The following MRPS27 variants were observed in gnomAD, a reference collection of about 807,000 sequenced individuals.
The protein encoded by MRPS27 is mitochondrial ribosomal protein S27.
A neutral mutation model predicts 48.9 loss-of-function variants in MRPS27; 43 were observed. The ratio of observed to expected loss-of-function variants is 0.88; its 90% confidence interval spans 0.69 to 1.13. MRPS27 has a LOEUF of 1.13. Ranked by LOEUF, MRPS27 falls within the 50% of genes most tolerant of loss-of-function variation. MRPS27 has a pLI of 0.00. For missense variants in MRPS27, 467 were observed against 476.3 expected, an observed-to-expected ratio of 0.98 and a Z score of 0.18; for synonymous variants, 188 against 171.9, an observed-to-expected ratio of 1.09 and a Z score of -0.73.
At chr5:72,278,970 C>T (rs979810818) in intron 4 of MRPS27, among the ~76,000 whole-genome samples, 11 of 152,034 alleles carry the variant, frequency 7.2e-5, no homozygotes, top group African/African-American at 2.7e-4. Flanking sequence ...TAACTTAATC[C>T]TTATACAAGC....
chr5:72,307,000 T>C (rs1750287022), intron 2 of MRPS27, among the ~76,000 whole-genome samples: 1 of 152,132 alleles, frequency 6.6e-6, no homozygotes, highest in African/African-American at 2.4e-5. Context: ...AATTGTATTA[T>C]ACGAGGCTTT....
In MRPS27 at chr5:72,232,483, T is replaced by C. The variant is rs1207429374; in HGVS notation, c.551A>G (p.Tyr184Cys). 6 of 1,612,390 alleles carry C rather than the reference T, an allele frequency of 3.7e-6. No individual in the cohort carries two copies. The highest frequency in any genetic ancestry group is 2.2e-5 in the East Asian group (1 of 44,788). ...EVPSTQLLSL[Y>C]VLFHCLAKKT... The stretch of plus-strand genomic sequence containing the variant: ...CTTTGCCAGGCAATGAAATAAAACA[T>C]AGAGGGAGAGAAGTTGGGTGGAAGG... The change falls in exon 7 of 11, where the codon TAT (tyrosine) becomes TGT (cysteine). Residue 184 changes from tyrosine to cysteine, a missense_variant. By Grantham distance (194) the Tyr-to-Cys change is radical (BLOSUM62 -2). Transcript: ENST00000261413.
intron 4 of MRPS27, among the ~76,000 whole-genome samples, chr5:72,278,135 C>T (rs114619048): frequency 3.3e-5 from 5 of 152,156 alleles, no homozygotes; most frequent in Non-Finnish European, 7.4e-5. Context: ...TACTCAACCA[C>T]CTATCTTCAT....
At chr5:72,246,362 C>T (rs993927918) in intron 4 of MRPS27, among the ~76,000 whole-genome samples, 2 of 152,172 alleles carry the variant, frequency 1.3e-5, no homozygotes, top group Admixed American at 1.3e-4. Flanking sequence ...GGAAAGCCAC[C>T]TAGTCCTCAC....
chr5:72,246,798 T>C (rs1411276299), intron 4 of MRPS27, among the ~76,000 whole-genome samples: 1 of 152,208 alleles, frequency 6.6e-6, no homozygotes, highest in Non-Finnish European at 1.5e-5. Flanking sequence ...GATAAAATGA[T>C]TTCCCCAAGA....
chr5:72,248,316 A>G (rs890526809), intron 4 of MRPS27, among the ~76,000 whole-genome samples: 2 of 152,228 alleles, frequency 1.3e-5, no homozygotes, highest in Non-Finnish European at 2.9e-5. Flanking sequence ...CATAAGAAGG[A>G]ACAGTTACAA....
intron 4 of MRPS27, among the ~76,000 whole-genome samples, chr5:72,281,980 T>A (rs1414324415): frequency 6.6e-6 from 1 of 152,174 alleles, no homozygotes; most frequent in Non-Finnish European, 1.5e-5. Flanking sequence ...TAGTTTTAAG[T>A]CCCAGCTTTG....
chr5:72,317,024 C>T (rs1202153537), intron 1 of MRPS27, among the ~76,000 whole-genome samples: 3 of 146,676 alleles, frequency 2.0e-5, no homozygotes, highest in Non-Finnish European at 3.0e-5. Flanking sequence ...AGCGAAACTC[C>T]GTCTCAAAAA....
At chr5:72,308,999 T>A (rs1052184487) in intron 2 of MRPS27, among the ~76,000 whole-genome samples, 5 of 152,162 alleles carry the variant, frequency 3.3e-5, no homozygotes, top group African/African-American at 1.2e-4. Context: ...GCCGCAGAAC[T>A]GGGACTGACA....
At chr5:72,309,390 A>G (rs1182320875) in intron 2 of MRPS27, among the ~76,000 whole-genome samples, 2 of 151,340 alleles carry the variant, frequency 1.3e-5, no homozygotes, top group Admixed American at 6.6e-5. Flanking sequence ...TTCAGCCTCC[A>G]TTGTAGCTGG....
At chr5:72,315,021 C>A (rs768868600) in intron 1 of MRPS27, among the ~76,000 whole-genome samples, 10 of 152,188 alleles carry the variant, frequency 6.6e-5, no homozygotes, top group Non-Finnish European at 1.2e-4. Context: ...ATTCCTAGCT[C>A]CTGGCACAAT....
intron 4 of MRPS27, among the ~76,000 whole-genome samples, chr5:72,249,854 G>A (rs1185902618): frequency 6.7e-6 from 1 of 149,478 alleles, no homozygotes; most frequent in African/African-American, 2.5e-5. Flanking sequence ...TGTGGTGGCA[G>A]CTGCCTGTAG....
Position 72,230,769 on chromosome 5 carries a change from C to G in MRPS27, c.591+1674G>C, listed in dbSNP as rs1476074822. ...CATTAATGATTTTTCTCATAACATC[C>G]AGTCTTTTCCCAAAGTTCCCTTTTG... is the stretch of plus-strand genomic sequence containing the variant. On this transcript the variant is annotated intron_variant, in intron 7 of 10. Coordinates refer to ENST00000261413, the MANE Select transcript of MRPS27 (RefSeq NM_015084.3). Among the ~76,000 whole-genome samples, 3 of 152,164 alleles carry G rather than the reference C, an allele frequency of 2.0e-5. No individual in the cohort carries two copies. The East Asian group carries it at 5.8e-4, about 29-fold the overall frequency.
intron 4 of MRPS27, among the ~76,000 whole-genome samples, chr5:72,260,280 T>C (rs1259502725): frequency 1.3e-5 from 2 of 152,360 alleles, no homozygotes; most frequent in African/African-American, 2.4e-5. Context: ...AATTTTCACA[T>C]AGATGACTTC....
At chr5:72,228,207 G>T in intron 8 of MRPS27, 59 bp downstream of exon 8, 1 of 1,343,396 alleles carries the variant, frequency 7.4e-7, no homozygotes, top group Non-Finnish European at 1.1e-6. Flanking sequence ...ATTATGAACT[G>T]GAAGAATGCA....
At chr5:72,261,213 T>C (rs1467467943) in intron 4 of MRPS27, among the ~76,000 whole-genome samples, 1 of 152,140 alleles carries the variant, frequency 6.6e-6, no homozygotes, top group African/African-American at 2.4e-5. Context: ...AGTTGCTACA[T>C]TGGTGTGATT....
intron 4 of MRPS27, among the ~76,000 whole-genome samples, chr5:72,293,621 T>A (rs1049117303): frequency 2.6e-5 from 4 of 152,204 alleles, no homozygotes; most frequent in South Asian, 2.1e-4. Context: ...GTCTAACTTA[T>A]TCAACATTAG....
intron 7 of MRPS27, 36 bp downstream of exon 7, chr5:72,232,407 A>T: frequency 6.6e-7 from 1 of 1,526,616 alleles, no homozygotes; most frequent in African/African-American, 1.4e-5. Flanking sequence ...TGCCTTTTCT[A>T]AAGTTCTTAA....
At position 72,295,247 on chromosome 5, in the gene MRPS27, A is replaced by G. The variant is rs532609564; in HGVS notation, c.281+284T>C. On this transcript the variant is annotated intron_variant, in intron 4 of 10. Transcript: ENST00000261413. The stretch of plus-strand genomic sequence containing the variant: ...TATATATACTCATGAAAATTAGGTG[A>G]AAAATTACATACGTACAAGGTTATC... 8 of 232,820 alleles carry G rather than the reference A, an allele frequency of 3.4e-5. No homozygotes were observed. In the Admixed American group the frequency reaches 3.9e-4, roughly 11 times the overall value. 14.4% of individuals were successfully genotyped at this position (232,820 alleles called of 1,614,324 possible).
Sources: allele counts gnomAD v4.1 joint callset (sites outside exome capture counted in the v4.1 genomes callset), GRCh38; gene constraint gnomAD v4.1.1; transcripts MANE v1.5; gene names NCBI Gene and HGNC (gene_info 2026-07-23, HGNC 2026-07-21).